BCR: variants seen among roughly 807,000 people sequenced by gnomAD.
The protein encoded by BCR is breakpoint cluster region protein.
A neutral mutation model predicts 138.6 loss-of-function variants in BCR; 58 were observed. The ratio of observed to expected loss-of-function variants is 0.42; its 90% CI spans 0.34 to 0.52. The LOEUF (loss-of-function observed/expected upper bound fraction) is 0.52, where lower values mean the gene tolerates loss of function less well. BCR is among the 20% of genes least tolerant of loss of function. The probability of loss-of-function intolerance (pLI) is 0.06; values close to 1 mark genes in which losing one functional copy is unlikely to be tolerated. For synonymous variants in BCR, 786 were observed against 730.1 expected (o/e 1.08, Z -1.23); for missense variants, 1,599 against 1,727.2 (o/e 0.93, Z 1.32).
At chr22:23,289,963 G>A (rs543382540) in intron 13 of BCR, 5 of 502,242 alleles carry the variant, frequency 1.0e-5, no homozygotes, top group African/African-American at 3.9e-5. Context: ...CCTGCCAGCC[G>A]GCACTTTTGG....
intron 2 of BCR, among the ~76,000 whole-genome samples, chr22:23,255,420 C>T (rs971458066): frequency 5.9e-5 from 9 of 152,124 alleles, no homozygotes; most frequent in African/African-American, 1.9e-4. Flanking sequence ...TTGAAGCCTT[C>T]CTGATTCTTC....
chr22:23,314,384 T>C (rs112807104), intron 21 of BCR, among the ~76,000 whole-genome samples, 168 bp from the exon 22 acceptor site: 6 of 152,096 alleles, frequency 3.9e-5, no homozygotes, highest in Non-Finnish European at 8.8e-5. Flanking sequence ...CAGAGCTGGC[T>C]CCTTGTCCTG....
intron 5 of BCR, 126 bp from the exon 6 acceptor site, chr22:23,271,406 C>T (rs2073507950): frequency 1.1e-6 from 1 of 941,174 alleles, no homozygotes; most frequent in East Asian, 2.6e-5. Context: ...ACTTCATTAT[C>T]AGCTCAGAAT....
chr22:23,313,881 C>A, intron 20 of BCR, 87 bp from the exon 21 acceptor site: 1 of 1,064,876 alleles, frequency 9.4e-7, no homozygotes, highest in Non-Finnish European at 1.5e-6. Flanking sequence ...TGTGCAGGGA[C>A]ACAAGCCCCA....
intron 8 of BCR, among the ~76,000 whole-genome samples, chr22:23,276,614 C>G (rs961027790): frequency 1.3e-5 from 2 of 152,160 alleles, no homozygotes; most frequent in Admixed American, 1.3e-4. Flanking sequence ...GCTTTCTATC[C>G]GAGGCACGTT....
At chr22:23,278,196 C>A (rs1036615995) in intron 8 of BCR, among the ~76,000 whole-genome samples, 3 of 152,236 alleles carry the variant, frequency 2.0e-5, no homozygotes, top group African/African-American at 7.2e-5. Flanking sequence ...GGAAGCATAG[C>A]GGACGATCCA....
rs571666774 is a variant in BCR at position 23,221,602 on chromosome 22, T to C, written c.1280-32197T>C. 3.3e-5 allele frequency among the ~76,000 whole-genome samples: 5 copies of C among 152,320 alleles called. No individual in the cohort carries two copies. The East Asian group carries it at 5.8e-4, about 18-fold the overall frequency. Reference sequence around the variant, plus strand: ...ACACGAGGATGCTCACACTGCTCAGTGCTTCTTAGAGAAAGCTGCTGGCTC... The same window carrying C: ...ACACGAGGATGCTCACACTGCTCAGCGCTTCTTAGAGAAAGCTGCTGGCTC... On this transcript the variant is annotated intron_variant, in intron 1 of 22. Coordinates refer to ENST00000305877, the MANE Select transcript of BCR (RefSeq NM_004327.4).
chr22:23,243,169 C>A (rs148996970), intron 1 of BCR, among the ~76,000 whole-genome samples: 1 of 152,228 alleles, frequency 6.6e-6, no homozygotes, highest in African/African-American at 2.4e-5. Context: ...TTCATACAAG[C>A]CCTTTTCTGT....
chr22:23,315,352 G>C, intron 22 of BCR, 81 bp from the exon 23 acceptor site: 2 of 1,318,272 alleles, frequency 1.5e-6, no homozygotes, highest in South Asian at 1.2e-5. Flanking sequence ...GGACTTGGAG[G>C]CTTGGGCCCC....
chr22:23,262,021 C>T (rs1323239486), intron 4 of BCR: 1 of 154,378 alleles, frequency 6.5e-6, no homozygotes, highest in African/African-American at 2.4e-5. Flanking sequence ...CGGCCTCAGC[C>T]TTCCGCGTAG....
chr22:23,255,775 C>CCGACCCCTGCTCCCT (rs1468550066), intron 2 of BCR, among the ~76,000 whole-genome samples: 3 of 152,200 alleles, frequency 2.0e-5, no homozygotes, highest in Admixed American at 6.5e-5. Flanking sequence ...TCCTGGTCCC[C>CCGACCCCTGCTCCCT]CGACCCCTGC....
chr22:23,206,546 C>T (rs1403214437), intron 1 of BCR, among the ~76,000 whole-genome samples: 1 of 149,380 alleles, frequency 6.7e-6, no homozygotes, highest in Non-Finnish European at 1.5e-5. Context: ...CACTGCACTC[C>T]AGCCTGGGCA....
intron 15 of BCR, among the ~76,000 whole-genome samples, chr22:23,293,935 C>T (rs1462562892): frequency 6.6e-6 from 1 of 152,184 alleles, no homozygotes; most frequent in Admixed American, 6.5e-5. Flanking sequence ...ACCAACAGCA[C>T]CGTCAGGGTG....
At position 23,181,951 on chromosome 22, in the gene BCR, G is replaced by C. The variant is rs760893146; in HGVS notation, c.991G>C (p.Asp331His). ...FEDCGGGYTP[D>H]CSSNENLTSS... ...GGATTGCGGAGGCGGCTATACCCCG[G>C]ACTGCAGCTCCAATGAGAACCTCAC... Residue 331 changes from aspartate (D) to histidine (H), a missense_variant, in exon 1 of 23, where the codon GAC becomes CAC. This residue lies in a region of BCR where 806 missense variants were observed against 635.0 expected (regional missense o/e 1.27). Transcript: ENST00000305877. 1.2e-6 allele frequency: 2 copies of C among 1,612,932 alleles called. No individual in the cohort carries two copies. Among genetic ancestry groups the C allele is most frequent in the Admixed American group, 1.7e-5 (1 of 59,998 alleles).
rs2074073236 is a variant in BCR at position 23,316,513 on chromosome 22, T to C, written c.*991T>C. On this transcript the variant is annotated 3_prime_UTR_variant, in exon 23 of 23. Coordinates refer to ENST00000305877, the MANE Select transcript of BCR (RefSeq NM_004327.4). ...CCTAAATAACCTTTTGATACTTGAATATTTGTAAGTTTTATACATAGTTTC... is the reference window on the plus strand; with the variant it reads ...CCTAAATAACCTTTTGATACTTGAACATTTGTAAGTTTTATACATAGTTTC... 1 of 179,832 alleles carries C rather than the reference T, an allele frequency of 5.6e-6. No individual in the cohort carries two copies. The highest frequency in any genetic ancestry group is 3.0e-5 in the African/African-American group (1 of 33,492). 11.1% of individuals were successfully genotyped at this position (179,832 alleles called of 1,614,324 possible).
rs1183158835 is a variant in BCR, at chr22:23,297,234, TTTTC to T, written c.3012+2080_3012+2083del. On this transcript the variant is annotated intron_variant, in intron 16 of 22. Transcript: ENST00000305877. Reference sequence around the variant, plus strand: ...TTTTTGTTTTTTGTTTTTTTTTTTTTTTTCGAGACAGAGTTTTGCTCTTGTTGCC... The same window carrying T: ...TTTTTGTTTTTTGTTTTTTTTTTTTTGAGACAGAGTTTTGCTCTTGTTGCC... Among the ~76,000 whole-genome samples the T allele has an allele frequency of 5.1e-3, 718 of 140,906 alleles. 21 individuals carry two copies. Among genetic ancestry groups the T allele is most frequent in the East Asian group, 0.048 (231 of 4,804 alleles). The allele number at this position is 140,906 out of a possible 152,430, so 92.4% of individuals were successfully genotyped here. A position where few individuals can be genotyped will look rare whatever the true frequency, so the allele number is the denominator to read the frequency against.
chr22:23,237,875 G>GA (rs951334766), intron 1 of BCR, among the ~76,000 whole-genome samples: 8 of 152,358 alleles, frequency 5.3e-5, no homozygotes, highest in Non-Finnish European at 1.2e-4. Context: ...GCATCCCCCA[G>GA]AAGCCAGGCA....
At chr22:23,224,010 C>T (rs1204483957) in intron 1 of BCR, among the ~76,000 whole-genome samples, 2 of 152,126 alleles carry the variant, frequency 1.3e-5, no homozygotes, top group African/African-American at 2.4e-5. Context: ...TTATCTCACC[C>T]GCTGGTTTGG....
chr22:23,282,268 C>T (rs1346758139), intron 8 of BCR, among the ~76,000 whole-genome samples: 1 of 152,246 alleles, frequency 6.6e-6, no homozygotes, highest in Admixed American at 6.5e-5. Flanking sequence ...TCTCCAGGTG[C>T]ACATGCTGTT....
Sources: allele counts gnomAD v4.1 joint callset (sites outside exome capture counted in the v4.1 genomes callset), GRCh38; gene constraint gnomAD v4.1.1; regional missense constraint gnomAD v4.1.1; transcripts MANE v1.5; gene names NCBI Gene and HGNC (gene_info 2026-07-23, HGNC 2026-07-21).